Variants in SLC9A9 observed in about 807,000 individuals in gnomAD.
SLC9A9 encodes the protein solute carrier family 9 member A9, also known as sodium/hydrogen exchanger 9.
Under a neutral mutation model 77.8 loss-of-function variants are expected in SLC9A9, and 62 were observed. The ratio of observed to expected loss-of-function variants is 0.80; its 90% CI spans 0.65 to 0.98. SLC9A9 has a LOEUF of 0.98. SLC9A9 is among the 50% of genes least tolerant of loss of function. The probability of loss-of-function intolerance (pLI) is 0.00; values close to 1 mark genes in which losing one functional copy is unlikely to be tolerated. For synonymous variants in SLC9A9, 320 were observed against 283.5 expected (o/e 1.13, Z -1.29); for missense variants, 775 against 774.9 (o/e 1.00, Z 0.00).
At chr3:143,482,218 G>T (rs998003371) in intron 11 of SLC9A9, among the ~76,000 whole-genome samples, 1 of 152,172 alleles carries the variant, frequency 6.6e-6, no homozygotes, top group African/African-American at 2.4e-5. Context: ...TGTCTTCCAT[G>T]CCTTTTTCTT....
intron 2 of SLC9A9, among the ~76,000 whole-genome samples, chr3:143,826,533 C>T (rs1189927723): frequency 6.6e-6 from 1 of 152,150 alleles, no homozygotes; most frequent in Non-Finnish European, 1.5e-5. Flanking sequence ...ACCCTGTACA[C>T]AGCAGGCACA....
intron 14 of SLC9A9, among the ~76,000 whole-genome samples, chr3:143,323,804 A>T (rs2031493073): frequency 6.6e-6 from 1 of 152,360 alleles, no homozygotes; most frequent in South Asian, 2.1e-4. Flanking sequence ...ACCTAAAAAA[A>T]GATAAGTTAT....
rs113786001 is a variant in SLC9A9, at chr3:143,580,161, A to G, written c.756-1438T>C. On this transcript the variant is annotated intron_variant, in intron 6 of 15. Transcript: ENST00000316549. ...GTATCTGCAAGTCCTGGGAAAAGGTATAAAACTCCACTGGTTGTTAGGAAA... is the reference window on the plus strand; with the variant it reads ...GTATCTGCAAGTCCTGGGAAAAGGTGTAAAACTCCACTGGTTGTTAGGAAA... Among the ~76,000 whole-genome samples the G allele has an allele frequency of 5.9e-5, 9 of 152,332 alleles. 1 individual carries two copies. Among genetic ancestry groups the G allele is most frequent in the African/African-American group, 1.9e-4 (8 of 41,584 alleles).
In SLC9A9 at chr3:143,518,167, G is replaced by T. The variant is rs1161879307; in HGVS notation, c.1090-22719C>A. ...AGCGCATTTCCTCGGTGTGCAGAAC[G>T]CTCGGATCCTCCTTACACATTTTCA... is the stretch of plus-strand genomic sequence containing the variant. On this transcript the variant is annotated intron_variant, in intron 9 of 15. Transcript: ENST00000316549. 3.1e-6 allele frequency: 5 copies of T among 1,599,712 alleles called. No individual in the cohort carries two copies. The African/African-American group carries it at 4.0e-5, about 13-fold the overall frequency.
chr3:143,287,856 A>C (rs1220057309), intron 14 of SLC9A9, among the ~76,000 whole-genome samples: 1 of 152,210 alleles, frequency 6.6e-6, no homozygotes, highest in African/African-American at 2.4e-5. Context: ...CTCAGAGATA[A>C]GCAATTTGAT....
At chr3:143,843,298 G>A (rs1027538968) in intron 1 of SLC9A9, among the ~76,000 whole-genome samples, 1 of 152,136 alleles carries the variant, frequency 6.6e-6, no homozygotes, top group African/African-American at 2.4e-5. Context: ...TAATCCTGAG[G>A]AACCTGCAGG....
intron 9 of SLC9A9, among the ~76,000 whole-genome samples, chr3:143,537,694 G>T (rs4271909): frequency 0.096 from 14,656 of 152,180 alleles, 1,146 homozygotes; most frequent in African/African-American, 0.2. Context: ...AGCATTCCGG[G>T]GATGGGGTGG....
intron 6 of SLC9A9, among the ~76,000 whole-genome samples, chr3:143,624,444 T>G (rs1277368069): frequency 1.3e-5 from 2 of 152,210 alleles, no homozygotes; most frequent in Non-Finnish European, 2.9e-5. Context: ...ATCCCTGGGA[T>G]GCAAGACTGG....
intron 5 of SLC9A9, among the ~76,000 whole-genome samples, chr3:143,665,595 A>C (rs1440061542): frequency 6.6e-6 from 1 of 152,222 alleles, no homozygotes; most frequent in Non-Finnish European, 1.5e-5. Context: ...AGCAAGACTA[A>C]TAAAGAAGAA....
At chr3:143,669,965 T>C (rs1000956456) in intron 5 of SLC9A9, among the ~76,000 whole-genome samples, 3 of 152,212 alleles carry the variant, frequency 2.0e-5, no homozygotes, top group Non-Finnish European at 4.4e-5. Context: ...CAGTATAAAA[T>C]GGAATGACAG....
At chr3:143,754,865 A>C (rs896916961) in intron 4 of SLC9A9, among the ~76,000 whole-genome samples, 2 of 152,214 alleles carry the variant, frequency 1.3e-5, no homozygotes, top group African/African-American at 4.8e-5. Context: ...TATGTATATC[A>C]AAAGAACCTC....
At chr3:143,330,741 C>G (rs2031742405) in intron 14 of SLC9A9, among the ~76,000 whole-genome samples, 1 of 152,130 alleles carries the variant, frequency 6.6e-6, no homozygotes, top group African/African-American at 2.4e-5. Flanking sequence ...TCAAATGTGA[C>G]TTTTAATTAA....
Position 143,832,061 on chromosome 3 carries a change from C to T in SLC9A9, c.336G>A (p.Gln112=). The T allele has an allele frequency of 1.2e-6, 2 of 1,612,844 alleles. No individual in the cohort carries two copies. The highest frequency in any genetic ancestry group is 8.5e-7 in the Non-Finnish European group (1 of 1,179,372). The change falls in exon 2 of 16, where the codon CAG becomes CAA. Residue 112 remains glutamine (Q), a synonymous_variant. Coordinates refer to ENST00000316549, the MANE Select transcript of SLC9A9 (RefSeq NM_173653.4). ...TTCCTTGATGAGGATTGATGTTGTG[C>T]TGACTTATTTCTCTTTTGTATTTAT... ...YEYKYKREIS[Q]HNINPHQGNA...
chr3:143,750,646 C>T (rs2006672536), intron 4 of SLC9A9, among the ~76,000 whole-genome samples: 2 of 151,458 alleles, frequency 1.3e-5, no homozygotes, highest in Non-Finnish European at 1.5e-5. Context: ...TTGGTAATAT[C>T]CTTGTTGAGT....
chr3:143,750,741 A>C (rs1408997616), intron 4 of SLC9A9, among the ~76,000 whole-genome samples: 2 of 148,360 alleles, frequency 1.3e-5, no homozygotes, highest in East Asian at 1.9e-4. Flanking sequence ...ATCTATATAT[A>C]TATATATACA....
At chr3:143,467,979 T>G (rs2035314082) in intron 11 of SLC9A9, among the ~76,000 whole-genome samples, 1 of 152,218 alleles carries the variant, frequency 6.6e-6, no homozygotes, top group African/African-American at 2.4e-5. Context: ...TGGATAATCA[T>G]TCAGGTTGCT....
intron 14 of SLC9A9, among the ~76,000 whole-genome samples, chr3:143,319,627 A>C (rs2031345040): frequency 6.6e-6 from 1 of 152,210 alleles, no homozygotes; most frequent in Non-Finnish European, 1.5e-5. Flanking sequence ...GAATTAGCAA[A>C]GAGGCTGCAA....
intron 1 of SLC9A9, among the ~76,000 whole-genome samples, chr3:143,843,965 A>T (rs2009768366): frequency 6.6e-6 from 1 of 152,222 alleles, no homozygotes. Flanking sequence ...ATCGAATATC[A>T]TAATAGATTA....
chr3:143,398,435 A>G (rs1342423866), intron 12 of SLC9A9, among the ~76,000 whole-genome samples: 1 of 152,196 alleles, frequency 6.6e-6, no homozygotes, highest in East Asian at 1.9e-4. Flanking sequence ...GTGAAAAGGG[A>G]GTTGGAGACA....
Sources: allele counts gnomAD v4.1 joint callset (sites outside exome capture counted in the v4.1 genomes callset), GRCh38; gene constraint gnomAD v4.1.1; transcripts MANE v1.5; gene names NCBI Gene and HGNC (gene_info 2026-07-23, HGNC 2026-07-21).